RAD54B: variants seen among roughly 807,000 people sequenced by gnomAD.
The protein encoded by RAD54B is DNA repair and recombination protein RAD54B.
RAD54B carries 78 observed loss-of-function variants against 95.8 expected under a neutral mutation model. The observed-to-expected ratio is 0.81, with a 90% CI of 0.68 to 0.98. RAD54B has a LOEUF of 0.98. Ranked by LOEUF, RAD54B falls within the 50% of genes least tolerant of loss-of-function variation. RAD54B has a pLI of 0.00. For synonymous variants in RAD54B, 328 were observed against 354.9 expected (o/e 0.92, Z 0.85); for missense variants, 957 against 1,056.6 (o/e 0.91, Z 1.31).
chr8:94,381,097 G>A (rs1294997209), intron 11 of RAD54B, among the ~76,000 whole-genome samples: 1 of 151,128 alleles, frequency 6.6e-6, no homozygotes, highest in Admixed American at 6.6e-5. Context: ...TTTCAGTCCA[G>A]CCTGGACAAT....
chr8:94,440,619 C>G (rs1374110937), intron 3 of RAD54B, among the ~76,000 whole-genome samples: 1 of 152,110 alleles, frequency 6.6e-6, no homozygotes, highest in Admixed American at 6.5e-5. Context: ...GTGAAAAACT[C>G]AAACTGTTTT....
At chr8:94,436,397 T>C in intron 3 of RAD54B, 1 of 1,358,512 alleles carries the variant, frequency 7.4e-7, no homozygotes, top group Non-Finnish European at 9.7e-7. Context: ...GCTCCCGTTG[T>C]GGGGATGCTT....
At chr8:94,462,419 G>A (rs751833028) in intron 2 of RAD54B, among the ~76,000 whole-genome samples, 1 of 152,062 alleles carries the variant, frequency 6.6e-6, no homozygotes, top group Non-Finnish European at 1.5e-5. Context: ...TCCACTGTAA[G>A]GAAGAGTTTA....
chr8:94,473,245 A>G (rs571387634), intron 1 of RAD54B, among the ~76,000 whole-genome samples: 2 of 152,346 alleles, frequency 1.3e-5, no homozygotes, highest in East Asian at 1.9e-4. Flanking sequence ...TACAACTTCT[A>G]TAACACCTAT....
rs866957002 is a variant in RAD54B at position 94,436,598 on chromosome 8, A to G, written c.304+21670T>C. 9.0e-6 allele frequency: 14 copies of G among 1,550,332 alleles called. No homozygotes were observed. The African/African-American group carries it at 1.9e-4, about 21-fold the overall frequency. ...TCAGAAATATTGCTTTTAAAATCTG[A>G]TTGGGTCTCTTTTTGCTGCAATAGC... On this transcript the variant is annotated intron_variant, in intron 3 of 14. Transcript: ENST00000336148.
At chr8:94,379,114 A>C (rs1810671713) in intron 12 of RAD54B, among the ~76,000 whole-genome samples, 1 of 152,200 alleles carries the variant, frequency 6.6e-6, no homozygotes, top group African/African-American at 2.4e-5. Flanking sequence ...TTTCAAATAA[A>C]AATCTGGCCT....
intron 2 of RAD54B, among the ~76,000 whole-genome samples, chr8:94,467,043 C>G (rs943953465): frequency 1.3e-5 from 2 of 152,154 alleles, no homozygotes; most frequent in African/African-American, 4.8e-5. Context: ...ATCCTCCCAC[C>G]TCAGCCTCCC....
intron 7 of RAD54B, among the ~76,000 whole-genome samples, chr8:94,399,894 G>A (rs893551015): frequency 6.6e-6 from 1 of 152,164 alleles, no homozygotes; most frequent in Non-Finnish European, 1.5e-5. Context: ...GCAGAAGAAT[G>A]CTTTTTACTG....
chr8:94,442,436 G>A (rs1009248018), intron 3 of RAD54B, among the ~76,000 whole-genome samples: 13 of 152,136 alleles, frequency 8.5e-5, no homozygotes, highest in East Asian at 3.9e-4. Flanking sequence ...TTAGCCAGGC[G>A]TGGTGGCAGG....
chr8:94,392,516 C>A (rs1811046382), intron 9 of RAD54B, among the ~76,000 whole-genome samples: 1 of 152,178 alleles, frequency 6.6e-6, no homozygotes, highest in South Asian at 2.1e-4. Context: ...CCTGCCTCAG[C>A]CTCCCAAAGT....
At chr8:94,436,954 T>A in intron 3 of RAD54B, 2 of 1,450,394 alleles carry the variant, frequency 1.4e-6, no homozygotes, top group Non-Finnish European at 1.8e-6. Flanking sequence ...CAGAAAAAGA[T>A]CAGGCTTAAC....
intron 3 of RAD54B, chr8:94,430,088 C>A (rs1385944735): frequency 1.1e-6 from 1 of 892,206 alleles, no homozygotes; most frequent in East Asian, 1.2e-4. Context: ...CCGAGGCGGG[C>A]AGATCACGAG....
In RAD54B at chr8:94,411,124, T is replaced by C. The variant is rs1403486404; in HGVS notation, c.496A>G (p.Arg166Gly). 10 of 1,602,180 alleles carry C rather than the reference T, an allele frequency of 6.2e-6. No homozygotes were observed. The highest frequency in any genetic ancestry group is 7.7e-6 in the Non-Finnish European group (9 of 1,174,052). The change falls in exon 4 of 15, where the codon AGA (arginine) becomes GGA (glycine). Residue 166 changes from arginine to glycine, a missense_variant. Arg to Gly is a moderately radical substitution (Grantham distance 125, BLOSUM62 -2). Coordinates refer to ENST00000336148, the MANE Select transcript of RAD54B (RefSeq NM_012415.3). ...LKNLEGKDIGRGIGYKFKELE... is the reference protein window; with the variant it reads ...LKNLEGKDIGGGIGYKFKELE... ...ACATTAGGTAGTATCATAATACCTC[T>C]TCCAATGTCTTTGCCTTCCAAATTC... is the stretch of plus-strand genomic sequence containing the variant.
chr8:94,403,524 A>G (rs1321037462), intron 6 of RAD54B, among the ~76,000 whole-genome samples: 1 of 152,008 alleles, frequency 6.6e-6, no homozygotes, highest in East Asian at 1.9e-4. Context: ...TAAAAATACA[A>G]AAATTAGCCA....
At chr8:94,442,468 G>A (rs1423160204) in intron 3 of RAD54B, among the ~76,000 whole-genome samples, 4 of 151,788 alleles carry the variant, frequency 2.6e-5, no homozygotes, top group Non-Finnish European at 1.5e-5. Context: ...CCAGCTACTC[G>A]GGAGGCTGAA....
chr8:94,418,761 T>C (rs1811732626), intron 3 of RAD54B, among the ~76,000 whole-genome samples: 1 of 152,232 alleles, frequency 6.6e-6, no homozygotes. Flanking sequence ...ATAATGTCTT[T>C]GGGATTCATC....
At chr8:94,383,660 T>C (rs1344651724) in intron 11 of RAD54B, among the ~76,000 whole-genome samples, 3 of 152,176 alleles carry the variant, frequency 2.0e-5, no homozygotes, top group Admixed American at 6.5e-5. Context: ...ACAAAATCCA[T>C]ATAGGGCTTG....
intron 13 of RAD54B, 55 bp from the exon 14 acceptor site, chr8:94,378,435 GT>G: frequency 6.5e-7 from 1 of 1,532,354 alleles, no homozygotes; most frequent in East Asian, 2.3e-5. Flanking sequence ...CATTATTTTT[GT>G]TGGGTATAAT....
At chr8:94,422,649 T>A (rs868650135) in intron 3 of RAD54B, among the ~76,000 whole-genome samples, 5 of 90,974 alleles carry the variant, frequency 5.5e-5, no homozygotes, top group Non-Finnish European at 1.1e-4. Context: ...TATATATATA[T>A]ATATAAAATT....
Sources: gnomAD v4.1 joint callset for allele counts (sites outside exome capture counted in the v4.1 genomes callset) on GRCh38, gnomAD v4.1.1 for gene constraint, MANE v1.5 for transcripts, NCBI Gene and HGNC (gene_info 2026-07-23, HGNC 2026-07-21) for gene names.